Variants in HIPK2 observed in about 807,000 individuals in gnomAD.
HIPK2 encodes the protein homeodomain interacting protein kinase 2.
HIPK2 carries 27 observed loss-of-function variants against 113.7 expected under a neutral mutation model. That is an observed-to-expected ratio of 0.24 (90% CI 0.17 to 0.33). The LOEUF is 0.33. Among genes scored for constraint, HIPK2 ranks in the 10% least tolerant of loss-of-function variants. The pLI is 1.00. For missense variants in HIPK2, 1,257 were observed against 1,588.0 expected (o/e 0.79, Z 3.54); for synonymous variants, 631 against 642.2 (o/e 0.98, Z 0.26).
intron 5 of HIPK2, among the ~76,000 whole-genome samples, chr7:139,627,876 G>A (rs539725406): frequency 6.6e-6 from 1 of 152,362 alleles, no homozygotes; most frequent in Admixed American, 6.5e-5. Context: ...AGACTGTGTA[G>A]CAGATTGAAT....
intron 2 of HIPK2, among the ~76,000 whole-genome samples, chr7:139,634,740 T>C (rs1482341549): frequency 2.8e-5 from 4 of 144,910 alleles, no homozygotes; most frequent in Non-Finnish European, 6.0e-5. Context: ...TGCAGTGGCA[T>C]GATCTTGGCT....
In HIPK2 at chr7:139,573,180, C is replaced by T. The variant is rs1199902615; in HGVS notation, c.3344G>A (p.Gly1115Asp). Reference sequence around the variant, plus strand: ...CGAGGCCACCAGGTGGGCCACGGTGCCGGTGGAGCCCAGGGCCGCCGGCGC... The same window carrying T: ...CGAGGCCACCAGGTGGGCCACGGTGTCGGTGGAGCCCAGGGCCGCCGGCGC... The part of the protein sequence containing the change: ...YTAPAALGST[G>D]TVAHLVASQG... Residue 1115 changes from glycine (G) to aspartate (D), a missense_variant, in exon 15 of 15, where the codon GGC becomes GAC. Gly to Asp is a moderately conservative substitution (Grantham distance 94, BLOSUM62 -1). This residue lies in a region of HIPK2 where 862 missense variants were observed against 1,004.3 expected (regional missense o/e 0.86). Coordinates refer to ENST00000406875, the MANE Select transcript of HIPK2 (RefSeq NM_022740.5). 1 of 1,608,500 alleles carries T rather than the reference C, an allele frequency of 6.2e-7. No individual in the cohort carries two copies. Among genetic ancestry groups the T allele is most frequent in the African/African-American group, 1.3e-5 (1 of 74,852 alleles).
In HIPK2 at chr7:139,626,384, T is replaced by C. The variant is rs1800430789; in HGVS notation, c.1619+217A>G. ...TCCCAAAGTGCTAGGATTACAGGCA[T>C]GAGACACCACGCCCAGCCCTGCCCA... On this transcript the variant is annotated intron_variant, in intron 6 of 14. Coordinates refer to ENST00000406875, the MANE Select transcript of HIPK2 (RefSeq NM_022740.5). Among the ~76,000 whole-genome samples, 5 of 151,898 alleles carry C rather than the reference T, an allele frequency of 3.3e-5. No homozygotes were observed. In the South Asian group the frequency reaches 1.0e-3, roughly 32 times the overall value.
At chr7:139,621,548 AG>A (rs371762327) in intron 6 of HIPK2, among the ~76,000 whole-genome samples, 3 of 152,370 alleles carry the variant, frequency 2.0e-5, no homozygotes, top group African/African-American at 4.8e-5. Flanking sequence ...TCGACCAAAA[AG>A]TGTCCTTCAG....
At chr7:139,693,145 G>C (rs949938892) in intron 2 of HIPK2, among the ~76,000 whole-genome samples, 1 of 152,178 alleles carries the variant, frequency 6.6e-6, no homozygotes, top group East Asian at 1.9e-4. Flanking sequence ...AGTGATTATA[G>C]GATTTGGGGC....
At chr7:139,612,754 C>A (rs1799881511) in intron 9 of HIPK2, among the ~76,000 whole-genome samples, 2 of 152,144 alleles carry the variant, frequency 1.3e-5, no homozygotes, top group South Asian at 4.1e-4. Flanking sequence ...ATAGAAGGTT[C>A]CAGCTTACAG....
At chr7:139,694,358 C>A (rs1187033226) in intron 2 of HIPK2, among the ~76,000 whole-genome samples, 1 of 151,830 alleles carries the variant, frequency 6.6e-6, no homozygotes, top group Non-Finnish European at 1.5e-5. Context: ...TGATAGATAC[C>A]CATTACCAAC....
At chr7:139,752,880 C>T (rs751115726) in intron 1 of HIPK2, among the ~76,000 whole-genome samples, 2 of 152,174 alleles carry the variant, frequency 1.3e-5, no homozygotes, top group African/African-American at 2.4e-5. Flanking sequence ...GCTGCTGCTA[C>T]GGGCTGGACT....
At chr7:139,677,019 A>C (rs1243726927) in intron 2 of HIPK2, among the ~76,000 whole-genome samples, 2 of 151,302 alleles carry the variant, frequency 1.3e-5, no homozygotes, top group Non-Finnish European at 2.9e-5. Context: ...GCACCACCAC[A>C]CCTGGCTAAT....
At position 139,777,684 on chromosome 7, in the gene HIPK2, C is replaced by A. The variant is rs1289711700; in HGVS notation, c.-61G>T. The A allele has an allele frequency of 1.9e-6, 2 of 1,078,576 alleles. No individual in the cohort carries two copies. The highest frequency in any genetic ancestry group is 2.3e-6 in the Non-Finnish European group (2 of 888,214). The allele number at this position is 1,078,576 out of a possible 1,614,324, so 66.8% of individuals were successfully genotyped here. A position where few individuals can be genotyped will look rare whatever the true frequency, so the allele number is the denominator to read the frequency against. ...ACGGGAAAGCGGCGCGCGAGCTCGG[C>A]CCCCCCAGCCTCAGTCGGAATCTGC... is the stretch of plus-strand genomic sequence containing the variant. On this transcript the variant is annotated 5_prime_UTR_variant, in exon 1 of 15. Transcript: ENST00000406875.
At chr7:139,741,132 C>A (rs936927428) in intron 1 of HIPK2, among the ~76,000 whole-genome samples, 3 of 152,106 alleles carry the variant, frequency 2.0e-5, no homozygotes, top group Non-Finnish European at 2.9e-5. Flanking sequence ...GGGTGAGACT[C>A]TATCTCAAAA....
At chr7:139,730,571 G>C (rs977384805) in intron 1 of HIPK2, among the ~76,000 whole-genome samples, 1 of 152,102 alleles carries the variant, frequency 6.6e-6, no homozygotes, top group African/African-American at 2.4e-5. Context: ...ATGTTGGCCA[G>C]GCTGGTCTCA....
intron 1 of HIPK2, among the ~76,000 whole-genome samples, chr7:139,721,830 A>C (rs964301674): frequency 1.3e-5 from 2 of 152,076 alleles, no homozygotes; most frequent in African/African-American, 4.8e-5. Context: ...AGGTCACGGT[A>C]GGATAAATCT....
intron 14 of HIPK2, 154 bp downstream of exon 14, chr7:139,574,974 C>T: frequency 1.7e-6 from 1 of 577,102 alleles, no homozygotes; most frequent in Non-Finnish European, 2.2e-6. Flanking sequence ...GTAGAAAAAG[C>T]CACCAGAGGT....
intron 2 of HIPK2, among the ~76,000 whole-genome samples, chr7:139,697,007 T>C (rs1794586399): frequency 6.6e-6 from 1 of 152,146 alleles, no homozygotes; most frequent in African/African-American, 2.4e-5. Context: ...GTTGCAGAAA[T>C]GGAATTTTAT....
In HIPK2 at chr7:139,634,124, A is replaced by T. The variant is rs572749186; in HGVS notation, c.1104-2399T>A. ...GACCCTGTCTCAAAAAAAAAAAAAAATTTTAGTTTATTCCTTTCCTCACAA... is the reference window on the plus strand; with the variant it reads ...GACCCTGTCTCAAAAAAAAAAAAAATTTTTAGTTTATTCCTTTCCTCACAA... On this transcript the variant is annotated intron_variant, in intron 2 of 14. Transcript: ENST00000406875. Among the ~76,000 whole-genome samples, 182 of 150,866 alleles carry T rather than the reference A, an allele frequency of 1.2e-3. 2 individuals are homozygous for T. The highest frequency in any genetic ancestry group is 4.0e-3 in the African/African-American group (161 of 40,748).
chr7:139,697,131 C>T (rs1794589303), intron 2 of HIPK2, among the ~76,000 whole-genome samples: 2 of 152,158 alleles, frequency 1.3e-5, no homozygotes, highest in African/African-American at 4.8e-5. Flanking sequence ...AGGGATCAGT[C>T]CTTCTTGTAA....
At chr7:139,736,566 G>C (rs1330024069) in intron 1 of HIPK2, among the ~76,000 whole-genome samples, 2 of 152,190 alleles carry the variant, frequency 1.3e-5, no homozygotes, top group African/African-American at 2.4e-5. Flanking sequence ...TCCAAGGCCA[G>C]AGCTGACCTG....
intron 2 of HIPK2, among the ~76,000 whole-genome samples, chr7:139,666,438 A>T (rs1271890334): frequency 6.6e-6 from 1 of 152,226 alleles, no homozygotes; most frequent in East Asian, 1.9e-4. Flanking sequence ...GTCAAAGATT[A>T]GGTGCCAAAA....
Sources: gnomAD v4.1 joint callset for allele counts (sites outside exome capture counted in the v4.1 genomes callset) on GRCh38, gnomAD v4.1.1 for gene constraint, gnomAD v4.1.1 regional missense constraint, MANE v1.5 for transcripts, NCBI Gene and HGNC (gene_info 2026-07-23, HGNC 2026-07-21) for gene names.